The following RAPGEF6 variants were observed in gnomAD, a reference collection of about 807,000 sequenced individuals.
The protein encoded by RAPGEF6 is PDZ domain containing guanine nucleotide exchange factor (GEF) 2.
Under a neutral mutation model 171.4 loss-of-function variants are expected in RAPGEF6, and 56 were observed. The ratio of observed to expected loss-of-function variants is 0.33; its 90% CI spans 0.26 to 0.41. The LOEUF (loss-of-function observed/expected upper bound fraction) is 0.41. RAPGEF6 is among the 10% of genes least tolerant of loss of function. RAPGEF6 has a pLI of 1.00. For synonymous variants in RAPGEF6, 692 were observed against 650.1 expected, an observed-to-expected ratio of 1.06 and a Z score of -0.98; for missense variants, 1,674 against 1,921.4, an observed-to-expected ratio of 0.87 and a Z score of 2.41.
Position 131,635,151 on chromosome 5 carries a change from G to A in RAPGEF6, c.-121C>T, listed in dbSNP as rs970497713. The stretch of plus-strand genomic sequence containing the variant: ...AGGAGGGAACTTCGCGCCGTAACAA[G>A]GTCCGAACTCTAGCAAACAACCCTT... On this transcript the variant is annotated 5_prime_UTR_variant, in exon 1 of 28. Transcript: ENST00000509018. The A allele has an allele frequency of 5.7e-6, 6 of 1,047,382 alleles. No homozygotes were observed. The highest frequency in any genetic ancestry group is 3.1e-4 in the Middle Eastern group (1 of 3,238). The allele number at this position is 1,047,382 out of a possible 1,614,324, so 64.9% of individuals were successfully genotyped here.
chr5:131,457,927 T>C (rs544308880), intron 19 of RAPGEF6, among the ~76,000 whole-genome samples: 2 of 152,128 alleles, frequency 1.3e-5, no homozygotes, highest in African/African-American at 4.8e-5. Context: ...AACTCAAAAC[T>C]CCCAAAATAT....
chr5:131,435,909 A>G (rs2149808726), intron 24 of RAPGEF6: 1 of 1,488,842 alleles, frequency 6.7e-7, no homozygotes. Flanking sequence ...TACATTAATA[A>G]CTGAAAACAA....
At chr5:131,609,485 C>T (rs1764814412) in intron 1 of RAPGEF6, among the ~76,000 whole-genome samples, 1 of 152,162 alleles carries the variant, frequency 6.6e-6, no homozygotes, top group Non-Finnish European at 1.5e-5. Flanking sequence ...GGAAGAGGCA[C>T]TGAACAACCA....
At chr5:131,579,945 A>G (rs1234295196) in intron 4 of RAPGEF6, among the ~76,000 whole-genome samples, 2 of 152,310 alleles carry the variant, frequency 1.3e-5, no homozygotes, top group East Asian at 3.9e-4. Flanking sequence ...CCAAGACCCC[A>G]CCCGACTCAG....
chr5:131,493,021 A>G (rs1303182184), intron 13 of RAPGEF6, among the ~76,000 whole-genome samples: 1 of 152,096 alleles, frequency 6.6e-6, no homozygotes. Context: ...ATTTACAGAG[A>G]CATGACAAAA....
chr5:131,516,957 T>C (rs1243313971), intron 7 of RAPGEF6, among the ~76,000 whole-genome samples: 2 of 152,190 alleles, frequency 1.3e-5, no homozygotes, highest in Non-Finnish European at 2.9e-5. Flanking sequence ...TGCATAGAAG[T>C]GTAGCCACAC....
At chr5:131,587,603 G>T (rs1418173113) in intron 4 of RAPGEF6, among the ~76,000 whole-genome samples, 1 of 152,220 alleles carries the variant, frequency 6.6e-6, no homozygotes, top group Middle Eastern at 3.4e-3. Context: ...TTGGAACTCA[G>T]AAAACAATAC....
At chr5:131,555,381 T>TC (rs1554081787) in intron 5 of RAPGEF6, among the ~76,000 whole-genome samples, 1 of 150,874 alleles carries the variant, frequency 6.6e-6, no homozygotes, top group Non-Finnish European at 1.5e-5. Flanking sequence ...ACATTTTTTT[T>TC]CTTAAGGTGA....
At chr5:131,511,687 C>T (rs917390560) in intron 7 of RAPGEF6, among the ~76,000 whole-genome samples, 4 of 151,774 alleles carry the variant, frequency 2.6e-5, no homozygotes, top group African/African-American at 7.3e-5. Flanking sequence ...TGTAGAGACT[C>T]GGGGGAGGTT....
intron 1 of RAPGEF6, among the ~76,000 whole-genome samples, chr5:131,615,469 A>G (rs1016104745): frequency 6.6e-6 from 1 of 152,212 alleles, no homozygotes; most frequent in Non-Finnish European, 1.5e-5. Context: ...GTCACAAATA[A>G]AAAAAGAAAG....
intron 11 of RAPGEF6, among the ~76,000 whole-genome samples, chr5:131,503,023 G>T (rs551736747): frequency 2.0e-5 from 3 of 152,064 alleles, no homozygotes; most frequent in African/African-American, 7.2e-5. Flanking sequence ...GGCTGGTCTC[G>T]AACTCCTGAC....
intron 1 of RAPGEF6, among the ~76,000 whole-genome samples, chr5:131,607,561 T>A (rs1417390729): frequency 1.3e-5 from 2 of 152,220 alleles, no homozygotes; most frequent in African/African-American, 4.8e-5. Context: ...TCTTCCGCTC[T>A]CTGTCATAAC....
intron 15 of RAPGEF6, among the ~76,000 whole-genome samples, chr5:131,486,867 T>C (rs1561503028): frequency 6.6e-6 from 1 of 152,030 alleles, no homozygotes; most frequent in Non-Finnish European, 1.5e-5. Context: ...CCTAGAAATG[T>C]TTTTCTTCTC....
At chr5:131,608,805 C>T (rs1764764387) in intron 1 of RAPGEF6, among the ~76,000 whole-genome samples, 1 of 151,868 alleles carries the variant, frequency 6.6e-6, no homozygotes, top group Admixed American at 6.6e-5. Context: ...CCTCCCTTAC[C>T]ACGTGATCTC....
intron 1 of RAPGEF6, among the ~76,000 whole-genome samples, chr5:131,620,702 C>T (rs966144209): frequency 1.3e-5 from 2 of 151,870 alleles, no homozygotes; most frequent in Non-Finnish European, 2.9e-5. Context: ...GCAATTCTCA[C>T]GCCTCAGCCT....
intron 16 of RAPGEF6, among the ~76,000 whole-genome samples, chr5:131,476,446 AATTT>A (rs374402344): frequency 0.01 from 1,580 of 151,902 alleles, 20 homozygotes; most frequent in African/African-American, 0.035. Context: ...CTAAAAATAA[AATTT>A]ATTTATTTAT....
intron 5 of RAPGEF6, among the ~76,000 whole-genome samples, chr5:131,560,380 C>G (rs886578933): frequency 7.9e-5 from 12 of 152,118 alleles, no homozygotes; most frequent in African/African-American, 2.4e-4. Flanking sequence ...TATAGCTATG[C>G]CTATGATTTC....
chr5:131,633,315 A>G (rs1766431725), intron 1 of RAPGEF6, among the ~76,000 whole-genome samples: 1 of 152,232 alleles, frequency 6.6e-6, no homozygotes, highest in African/African-American at 2.4e-5. Flanking sequence ...AGCCTGGGCT[A>G]TAGAGGGAGA....
intron 6 of RAPGEF6, among the ~76,000 whole-genome samples, chr5:131,540,118 C>A (rs1463315390): frequency 6.6e-6 from 1 of 152,190 alleles, no homozygotes; most frequent in Non-Finnish European, 1.5e-5. Context: ...AAGACTAGCA[C>A]CTTATTTTGT....
Sources: gnomAD v4.1 joint callset for allele counts (sites outside exome capture counted in the v4.1 genomes callset) on GRCh38, gnomAD v4.1.1 for gene constraint, MANE v1.5 for transcripts, NCBI Gene and HGNC (gene_info 2026-07-23, HGNC 2026-07-21) for gene names.